SHISA9: variants seen among roughly 807,000 people sequenced by gnomAD.
SHISA9 encodes protein shisa-9.
A neutral mutation model predicts 38.0 loss-of-function variants in SHISA9; 13 were observed. The observed-to-expected ratio is 0.34, with a 90% CI of 0.22 to 0.54. The LOEUF (loss-of-function observed/expected upper bound fraction) is 0.54, where lower values mean the gene tolerates loss of function less well. Ranked by LOEUF, SHISA9 falls within the 20% of genes least tolerant of loss-of-function variation. The pLI is 0.91. For missense variants in SHISA9, 538 were observed against 575.8 expected, an observed-to-expected ratio of 0.93 and a Z score of 0.67; for synonymous variants, 275 against 242.0, an observed-to-expected ratio of 1.14 and a Z score of -1.27.
intron 2 of SHISA9, among the ~76,000 whole-genome samples, chr16:13,096,666 T>C (rs1488942523): frequency 6.6e-6 from 1 of 152,232 alleles, no homozygotes; most frequent in East Asian, 1.9e-4. Context: ...GAGTAACTTC[T>C]TGGAGTCAAG....
chr16:13,435,704 G>A, the SHISA9 span, among the ~76,000 whole-genome samples: 1 of 152,192 alleles, frequency 6.6e-6, no homozygotes, highest in Non-Finnish European at 1.5e-5. Flanking sequence ...TCACTGAGGT[G>A]ACAGGTTTTG....
chr16:13,001,988 T>G (rs1360859613), intron 2 of SHISA9, among the ~76,000 whole-genome samples: 1 of 152,206 alleles, frequency 6.6e-6, no homozygotes, highest in Non-Finnish European at 1.5e-5. Context: ...GCTTAAAAAT[T>G]TCATAGTAAA....
At chr16:13,226,439 G>T (rs1384225573) in intron 4 of SHISA9, among the ~76,000 whole-genome samples, 1 of 152,154 alleles carries the variant, frequency 6.6e-6, no homozygotes, top group African/African-American at 2.4e-5. Flanking sequence ...ATATAATCTT[G>T]CCTATAGGAC....
the SHISA9 span, among the ~76,000 whole-genome samples, chr16:13,453,109 C>T: frequency 2.0e-5 from 3 of 152,020 alleles, no homozygotes; most frequent in Non-Finnish European, 1.5e-5. Flanking sequence ...AGGCTGGTCT[C>T]GAACTCCTGA....
At chr16:13,374,750 C>T in the SHISA9 span, among the ~76,000 whole-genome samples, 1 of 152,186 alleles carries the variant, frequency 6.6e-6, no homozygotes, top group Non-Finnish European at 1.5e-5. Context: ...CACTGTCTTC[C>T]ACAATGGTTG....
intron 2 of SHISA9, among the ~76,000 whole-genome samples, chr16:13,174,706 C>G (rs369853607): frequency 6.6e-6 from 1 of 152,058 alleles, no homozygotes; most frequent in Non-Finnish European, 1.5e-5. Flanking sequence ...AGAGGGAAGA[C>G]GCTGGTTTTG....
At position 13,051,800 on chromosome 16, in the gene SHISA9, C is replaced by G. The variant is rs193048238; in HGVS notation, c.691+134985C>G. ...TTTTTTTTTGAGATTGAGTCTTGCT[C>G]TATCACCAGGCTGGAGTGCAGAGGC... On this transcript the variant is annotated intron_variant, in intron 2 of 4. Transcript: ENST00000558583. Among the ~76,000 whole-genome samples, 645 of 150,660 alleles carry G rather than the reference C, an allele frequency of 4.3e-3. 4 individuals carry two copies. The highest frequency in any genetic ancestry group is 0.015 in the African/African-American group (625 of 40,810).
chr16:12,954,737 G>T (rs1229392529), intron 2 of SHISA9, among the ~76,000 whole-genome samples: 1 of 152,166 alleles, frequency 6.6e-6, no homozygotes, highest in Non-Finnish European at 1.5e-5. Flanking sequence ...TTAGGAAACA[G>T]TTGTAGAGGG....
chr16:12,954,819 C>G (rs1284461529), intron 2 of SHISA9, among the ~76,000 whole-genome samples: 1 of 152,062 alleles, frequency 6.6e-6, no homozygotes, highest in Non-Finnish European at 1.5e-5. Flanking sequence ...ATCTGAATTC[C>G]AAAGGCCAGA....
chr16:13,082,633 A>G (rs1251385828), intron 2 of SHISA9: 1 of 152,206 alleles, frequency 6.6e-6, no homozygotes, highest in African/African-American at 2.4e-5. Flanking sequence ...GGGGAAGATC[A>G]GTCCCGTCTA....
At chr16:13,304,625 A>G in the SHISA9 span, among the ~76,000 whole-genome samples, 3 of 152,160 alleles carry the variant, frequency 2.0e-5, no homozygotes, top group East Asian at 5.8e-4. Flanking sequence ...TATTGCTATC[A>G]TTTATTGTGA....
chr16:13,301,907 A>C, the SHISA9 span, among the ~76,000 whole-genome samples: 1 of 152,218 alleles, frequency 6.6e-6, no homozygotes, highest in Non-Finnish European at 1.5e-5. Context: ...GTTACTGTGA[A>C]CAGGAGAAAG....
intron 1 of SHISA9, among the ~76,000 whole-genome samples, chr16:12,903,794 G>A (rs1283868554): frequency 6.6e-6 from 1 of 152,170 alleles, no homozygotes; most frequent in African/African-American, 2.4e-5. Flanking sequence ...CCCCTCTGCC[G>A]GGGGCCTGTG....
At chr16:13,377,695 C>G in the SHISA9 span, among the ~76,000 whole-genome samples, 10 of 152,308 alleles carry the variant, frequency 6.6e-5, no homozygotes, top group South Asian at 1.9e-3. Flanking sequence ...AATGTTCCCT[C>G]TTGGGAATAT....
chr16:13,484,154 C>A, the SHISA9 span, among the ~76,000 whole-genome samples: 1 of 151,964 alleles, frequency 6.6e-6, no homozygotes, highest in Non-Finnish European at 1.5e-5. Flanking sequence ...CCCTGCTTGG[C>A]GTGTGGAGGA....
chr16:13,480,914 A>C, the SHISA9 span, among the ~76,000 whole-genome samples: 1 of 152,248 alleles, frequency 6.6e-6, no homozygotes, highest in East Asian at 1.9e-4. Flanking sequence ...TGGGAGGGTC[A>C]GAAACAAGTC....
At chr16:13,217,533 T>TA (rs1327610217) in intron 4 of SHISA9, among the ~76,000 whole-genome samples, 1 of 152,134 alleles carries the variant, frequency 6.6e-6, no homozygotes, top group Non-Finnish European at 1.5e-5. Context: ...CCAAGCTACA[T>TA]ACATGCTCCA....
At chr16:13,222,926 T>C (rs643670) in intron 4 of SHISA9, among the ~76,000 whole-genome samples, 55,163 of 151,848 alleles carry the variant, frequency 0.36, 11,424 homozygotes, top group East Asian at 0.66. Context: ...CTTTGGATAC[T>C]TGCTATGAGG....
the SHISA9 span, among the ~76,000 whole-genome samples, chr16:13,515,899 T>G: frequency 6.6e-6 from 1 of 152,166 alleles, no homozygotes; most frequent in Non-Finnish European, 1.5e-5. Flanking sequence ...GCACTGAACT[T>G]AGCATGTTTC....
Sources: allele counts gnomAD v4.1 joint callset (sites outside exome capture counted in the v4.1 genomes callset), GRCh38; gene constraint gnomAD v4.1.1; transcripts MANE v1.5; gene names NCBI Gene and HGNC (gene_info 2026-07-23, HGNC 2026-07-21).